The following STPG1 variants were observed in gnomAD, a reference collection of about 807,000 sequenced individuals.
STPG1 encodes sperm tail PG-rich repeat containing 1.
STPG1 carries 33 observed loss-of-function variants against 40.1 expected under a neutral mutation model. The ratio of observed to expected loss-of-function variants is 0.82; its 90% confidence interval spans 0.62 to 1.10. STPG1 has a LOEUF of 1.10. Ranked by LOEUF, STPG1 falls within the 50% of genes least tolerant of loss-of-function variation. STPG1 has a pLI of 0.00. For missense variants in STPG1, 396 were observed against 415.1 expected, an observed-to-expected ratio of 0.95 and a Z score of 0.40; for synonymous variants, 150 against 155.0, an observed-to-expected ratio of 0.97 and a Z score of 0.24.
At position 24,407,683 on chromosome 1, in the gene STPG1, G is replaced by A. The variant is rs548704604; in HGVS notation, c.-69+5991C>T. On this transcript the variant is annotated intron_variant, in intron 1 of 8. Transcript: ENST00000337248. The stretch of plus-strand genomic sequence containing the variant: ...GAACTCTTGACCTTGTGATCTACCT[G>A]CCTTGGCCTCCCAAAGTGCTGGGAT... 5.3e-5 allele frequency among the ~76,000 whole-genome samples: 8 copies of A among 152,188 alleles called. No individual in the cohort carries two copies. In the East Asian group the frequency reaches 1.5e-3, roughly 29 times the overall value.
chr1:24,400,382 G>C (rs971008368), intron 2 of STPG1, among the ~76,000 whole-genome samples: 2 of 152,182 alleles, frequency 1.3e-5, no homozygotes, highest in African/African-American at 4.8e-5. Context: ...ATCTGAGAAG[G>C]GACAAGGGCT....
At position 24,358,436 on chromosome 1, in the gene STPG1, G is replaced by C. The variant is rs747205320; in HGVS notation, c.*107C>G. 1.0e-6 allele frequency: 1 copy of C among 952,518 alleles called. No individual in the cohort carries two copies. Among genetic ancestry groups the C allele is most frequent in the Non-Finnish European group, 1.7e-6 (1 of 577,870 alleles). The allele number at this position is 952,518 out of a possible 1,614,324, so 59.0% of individuals were successfully genotyped here. ...CCAGAGTGGTAGAGCCACCCCCCAA[G>C]TTGTCAGCTGCCACACTCATGATCG... On this transcript the variant is annotated 3_prime_UTR_variant, in exon 9 of 9. Transcript: ENST00000337248.
intron 5 of STPG1, among the ~76,000 whole-genome samples, chr1:24,374,505 C>T (rs538991064): frequency 2.0e-5 from 3 of 152,160 alleles, no homozygotes; most frequent in Admixed American, 6.5e-5. Flanking sequence ...GTGATCCGCC[C>T]GCCTCGGCCT....
intron 2 of STPG1, among the ~76,000 whole-genome samples, chr1:24,394,485 G>C (rs2148707466): frequency 6.6e-6 from 1 of 152,290 alleles, no homozygotes; most frequent in Non-Finnish European, 1.5e-5. Flanking sequence ...ACTTCAAAGT[G>C]GGGAGAAAAT....
rs765322123 is a variant in STPG1 at position 24,383,908 on chromosome 1, G to A, written c.285C>T (p.Pro95=). 3 of 1,607,866 alleles carry A rather than the reference G, an allele frequency of 1.9e-6. No individual in the cohort carries two copies. In the East Asian group the frequency reaches 6.7e-5, roughly 36 times the overall value. Residue 95 remains proline, a synonymous_variant, in exon 4 of 9, where the codon CCC becomes CCT. Coordinates refer to ENST00000337248, the MANE Select transcript of STPG1 (RefSeq NM_001199013.2). ...SLSKKGTCMF[P]SMCARLDTII... ...CAAGAGAAGTGGTTCTCACCATTGA[G>A]GGAAACATGCAAGTTCCTTTCTTGG...
At chr1:24,377,887 G>A (rs1390550091) in intron 5 of STPG1, among the ~76,000 whole-genome samples, 1 of 152,216 alleles carries the variant, frequency 6.6e-6, no homozygotes, top group Non-Finnish European at 1.5e-5. Context: ...ACCTCTCTGA[G>A]CCTTAGCTTT....
intron 1 of STPG1, among the ~76,000 whole-genome samples, chr1:24,403,797 G>A (rs1643316478): frequency 6.6e-6 from 1 of 151,852 alleles, no homozygotes; most frequent in African/African-American, 2.4e-5. Context: ...ATATATTAAT[G>A]CTGTATCCTG....
chr1:24,381,315 A>G (rs550848913), intron 4 of STPG1, among the ~76,000 whole-genome samples: 17 of 152,358 alleles, frequency 1.1e-4, no homozygotes, highest in African/African-American at 4.1e-4. Flanking sequence ...AGTAGAGGCA[A>G]TGTTTTATAA....
At chr1:24,397,456 T>C (rs1570083182) in intron 2 of STPG1, among the ~76,000 whole-genome samples, 1 of 152,080 alleles carries the variant, frequency 6.6e-6, no homozygotes, top group Non-Finnish European at 1.5e-5. Flanking sequence ...CAAAACTATA[T>C]GGCATCATTA....
At position 24,361,499 on chromosome 1, in the gene STPG1, C is replaced by T. The variant is rs146978944; in HGVS notation, c.738-458G>A. Among the ~76,000 whole-genome samples the T allele has an allele frequency of 5.4e-3, 828 of 152,240 alleles. 4 individuals are homozygous for T. The highest frequency in any genetic ancestry group is 9.4e-3 in the Non-Finnish European group (642 of 68,016). Reference sequence around the variant, plus strand: ...AGGCCTTAGTGACCCACTTGTGATGCCTGCCATGGTCAGGGAAGAGAAAGA... The same window carrying T: ...AGGCCTTAGTGACCCACTTGTGATGTCTGCCATGGTCAGGGAAGAGAAAGA... On this transcript the variant is annotated intron_variant, in intron 7 of 8. Transcript: ENST00000337248.
chr1:24,366,659 G>A (rs1046827492), intron 7 of STPG1, among the ~76,000 whole-genome samples: 2 of 152,104 alleles, frequency 1.3e-5, no homozygotes, highest in East Asian at 1.9e-4. Context: ...CTCCACGTTC[G>A]TTGTCCCCTG....
In STPG1 at chr1:24,411,375, G is replaced by A. The variant is rs72880687; in HGVS notation, c.-69+2299C>T. 6.8e-3 allele frequency among the ~76,000 whole-genome samples: 1,037 copies of A among 152,216 alleles called. 11 individuals are homozygous for A. Among genetic ancestry groups the A allele is most frequent in the African/African-American group, 0.021 (883 of 41,512 alleles). On this transcript the variant is annotated intron_variant, in intron 1 of 8. Transcript: ENST00000337248. ...CTTAACCTCTATAATAACCTCTCAG[G>A]CAGCACACACTAAATATTAACTTGC...
chr1:24,377,066 C>T (rs1420922861), intron 5 of STPG1, among the ~76,000 whole-genome samples: 1 of 150,958 alleles, frequency 6.6e-6, no homozygotes, highest in Non-Finnish European at 1.5e-5. Flanking sequence ...TGAGACAAGC[C>T]TGGCCAACAT....
intron 3 of STPG1, among the ~76,000 whole-genome samples, chr1:24,390,537 G>C (rs1486431761): frequency 1.3e-5 from 2 of 152,140 alleles, no homozygotes; most frequent in Non-Finnish European, 2.9e-5. Context: ...TCCTGCCTCA[G>C]GAGAGGCAGT....
chr1:24,415,004 TA>T (rs1643954766), upstream of STPG1: 1 of 152,174 alleles, frequency 6.6e-6, no homozygotes, highest in South Asian at 2.1e-4. Flanking sequence ...GATCTGAGAC[TA>T]GAACTGCCTC....
rs1308568068 is a variant in STPG1, at chr1:24,358,637, G to A, written c.929-18C>T. 3 of 1,598,676 alleles carry A rather than the reference G, an allele frequency of 1.9e-6. No homozygotes were observed. The African/African-American group carries it at 4.0e-5, about 21-fold the overall frequency. ...GTACGTAGCTGTGAGGGGACAGAGAGGCGGAGGCATTAAGAGAGAAAAGGC... is the reference window on the plus strand; with the variant it reads ...GTACGTAGCTGTGAGGGGACAGAGAAGCGGAGGCATTAAGAGAGAAAAGGC... On this transcript the variant is annotated intron_variant, in intron 8 of 8. Transcript: ENST00000337248.
chr1:24,380,064 G>C (rs1345687696), intron 4 of STPG1, among the ~76,000 whole-genome samples: 1 of 152,078 alleles, frequency 6.6e-6, no homozygotes, highest in South Asian at 2.1e-4. Flanking sequence ...TTTGGGACTT[G>C]GCAAAAATGA....
At chr1:24,386,716 G>A (rs1212873407) in intron 3 of STPG1, among the ~76,000 whole-genome samples, 1 of 152,192 alleles carries the variant, frequency 6.6e-6, no homozygotes, top group African/African-American at 2.4e-5. Context: ...TCCTGCGACT[G>A]ACATTCTGTG....
intron 1 of STPG1, among the ~76,000 whole-genome samples, chr1:24,407,525 TCTGCCC>T (rs911751700): frequency 6.7e-6 from 1 of 148,806 alleles, no homozygotes; most frequent in African/African-American, 2.5e-5. Context: ...CACTGCACCC[TCTGCCC>T]CCAGCTTCAA....
Sources: gnomAD v4.1 joint callset for allele counts (sites outside exome capture counted in the v4.1 genomes callset) on GRCh38, gnomAD v4.1.1 for gene constraint, MANE v1.5 for transcripts, NCBI Gene and HGNC (gene_info 2026-07-23, HGNC 2026-07-21) for gene names.